Variants in MCC observed in about 807,000 individuals in gnomAD.
MCC encodes the protein colorectal mutant cancer protein.
A neutral mutation model predicts 116.2 loss-of-function variants in MCC; 90 were observed. The observed-to-expected ratio is 0.77, with a 90% CI of 0.65 to 0.92. The LOEUF (loss-of-function observed/expected upper bound fraction) is 0.92, where lower values mean the gene tolerates loss of function less well. Among genes scored for constraint, MCC ranks in the 40% least tolerant of loss-of-function variants. The probability of loss-of-function intolerance (pLI) is 0.00; values close to 1 mark genes in which losing one functional copy is unlikely to be tolerated. For missense variants in MCC, 1,516 were observed against 1,312.2 expected, an observed-to-expected ratio of 1.16 and a Z score of -2.40; for synonymous variants, 578 against 510.5, an observed-to-expected ratio of 1.13 and a Z score of -1.78.
chr5:113,230,389 A>C (rs919086388), intron 3 of MCC, among the ~76,000 whole-genome samples: 25 of 152,352 alleles, frequency 1.6e-4, no homozygotes, highest in African/African-American at 5.5e-4. Flanking sequence ...CAGAACATCA[A>C]TGTGTTTTCA....
At chr5:113,349,221 AC>A (rs1768207694) in intron 2 of MCC, among the ~76,000 whole-genome samples, 1 of 152,126 alleles carries the variant, frequency 6.6e-6, no homozygotes, top group Non-Finnish European at 1.5e-5. Flanking sequence ...TTATCCCGAT[AC>A]CAAAACCAGA....
intron 11 of MCC, among the ~76,000 whole-genome samples, chr5:113,077,662 T>G (rs533219857): frequency 2.3e-4 from 35 of 152,216 alleles, no homozygotes; most frequent in Admixed American, 6.5e-4. Context: ...AAGCAGTGTG[T>G]AGAGGGAAAC....
Position 113,242,648 on chromosome 5 carries a change from G to C in MCC, c.628-91226C>G, listed in dbSNP as rs1336785734. ...TTCTTAGACAACAGCAGGAGAGGCA[G>C]AGTGCCCAGGGCATTGCACTTCAAG... is the stretch of plus-strand genomic sequence containing the variant. On this transcript the variant is annotated intron_variant, in intron 3 of 18. Coordinates refer to ENST00000408903, the MANE Select transcript of MCC (RefSeq NM_001085377.2). 3.3e-5 allele frequency among the ~76,000 whole-genome samples: 5 copies of C among 152,178 alleles called. No homozygotes were observed. In the East Asian group the frequency reaches 9.6e-4, roughly 29 times the overall value.
At chr5:113,161,730 T>C (rs1296137304) in intron 3 of MCC, among the ~76,000 whole-genome samples, 2 of 152,100 alleles carry the variant, frequency 1.3e-5, no homozygotes, top group East Asian at 1.9e-4. Context: ...ACAGAGTATA[T>C]ATAAAACTCA....
At chr5:113,153,008 T>C (rs1326522417) in intron 3 of MCC, among the ~76,000 whole-genome samples, 1 of 152,166 alleles carries the variant, frequency 6.6e-6, no homozygotes, top group Admixed American at 6.5e-5. Context: ...GAGATTGTTT[T>C]GTTTGGTGGA....
chr5:113,463,187 G>A (rs1429561921), intron 1 of MCC, among the ~76,000 whole-genome samples: 1 of 152,156 alleles, frequency 6.6e-6, no homozygotes, highest in Non-Finnish European at 1.5e-5. Context: ...AGAGCCTAGA[G>A]GAGAGAGGGC....
intron 1 of MCC, among the ~76,000 whole-genome samples, chr5:113,424,596 T>A (rs1230635027): frequency 6.6e-6 from 1 of 152,096 alleles, no homozygotes; most frequent in Non-Finnish European, 1.5e-5. Flanking sequence ...GTGTCTGTAA[T>A]GCCAGCTACT....
chr5:113,285,002 G>A (rs1292178818), intron 3 of MCC, among the ~76,000 whole-genome samples: 1 of 152,174 alleles, frequency 6.6e-6, no homozygotes, highest in African/African-American at 2.4e-5. Context: ...TCAAGGGAAA[G>A]CAATTTTCAA....
chr5:113,244,745 T>C (rs17135473), intron 3 of MCC, among the ~76,000 whole-genome samples: 5,202 of 152,264 alleles, frequency 0.034, 115 homozygotes, highest in East Asian at 0.089. Context: ...AGCTAAACAA[T>C]AGGAAGAGGT....
intron 1 of MCC, among the ~76,000 whole-genome samples, chr5:113,432,358 A>G (rs1415445182): frequency 4.0e-5 from 6 of 151,778 alleles, no homozygotes; most frequent in Non-Finnish European, 8.8e-5. Flanking sequence ...AGAAAAAAAA[A>G]CAGCTAACAG....
In MCC at chr5:113,260,286, C is replaced by T. The variant is rs1307726532; in HGVS notation, c.627+80233G>A. ...AATAATCTTTAAAACCACATATTAA[C>T]CTAGATACTTTTTATGTATTTTTCC... On this transcript the variant is annotated intron_variant, in intron 3 of 18. Transcript: ENST00000408903. Among the ~76,000 whole-genome samples the T allele has an allele frequency of 2.0e-5, 3 of 152,030 alleles. No homozygotes were observed. The East Asian group carries it at 5.8e-4, about 29-fold the overall frequency.
intron 16 of MCC, among the ~76,000 whole-genome samples, chr5:113,046,579 A>ATGGGCCC (rs1476022209): frequency 1.3e-5 from 2 of 151,448 alleles, no homozygotes; most frequent in Non-Finnish European, 2.9e-5. Context: ...TGCTCAGTTC[A>ATGGGCCC]TGGGCCTTCT....
chr5:113,446,731 C>A (rs1423370561), intron 1 of MCC, among the ~76,000 whole-genome samples: 1 of 152,114 alleles, frequency 6.6e-6, no homozygotes, highest in African/African-American at 2.4e-5. Flanking sequence ...ATGTTCTCAC[C>A]TATAAGTGGA....
intron 3 of MCC, among the ~76,000 whole-genome samples, chr5:113,247,064 A>T (rs1029969041): frequency 1.3e-4 from 20 of 152,218 alleles, no homozygotes; most frequent in African/African-American, 4.6e-4. Flanking sequence ...CAAATGGTTT[A>T]TGACAAAGGA....
At chr5:113,085,579 G>C (rs780216613) in intron 8 of MCC, among the ~76,000 whole-genome samples, 4 of 151,972 alleles carry the variant, frequency 2.6e-5, no homozygotes, top group Non-Finnish European at 4.4e-5. Flanking sequence ...ATTTGCCTAA[G>C]AGTCACCATA....
chr5:113,289,089 T>G (rs936559172), intron 3 of MCC, among the ~76,000 whole-genome samples: 1 of 151,940 alleles, frequency 6.6e-6, no homozygotes, highest in Non-Finnish European at 1.5e-5. Context: ...TCCCAACACT[T>G]TGGGAGGCTG....
chr5:113,412,730 G>T (rs1770026970), intron 1 of MCC, among the ~76,000 whole-genome samples: 1 of 152,178 alleles, frequency 6.6e-6, no homozygotes. Flanking sequence ...GGGACAATTT[G>T]ACTTCCTCTT....
intron 11 of MCC, among the ~76,000 whole-genome samples, chr5:113,076,256 C>T (rs574898903): frequency 2.1e-4 from 32 of 152,196 alleles, no homozygotes; most frequent in South Asian, 4.2e-4. Flanking sequence ...TCCAGGAGAA[C>T]GTCCCCAACC....
At chr5:113,173,207 G>A (rs981131054) in intron 3 of MCC, among the ~76,000 whole-genome samples, 12 of 152,008 alleles carry the variant, frequency 7.9e-5, no homozygotes, top group Non-Finnish European at 1.3e-4. Flanking sequence ...TGTTTAGAAA[G>A]ACATCCTCCA....
Sources: gnomAD v4.1 joint callset for allele counts (sites outside exome capture counted in the v4.1 genomes callset) on GRCh38, gnomAD v4.1.1 for gene constraint, MANE v1.5 for transcripts, NCBI Gene and HGNC (gene_info 2026-07-23, HGNC 2026-07-21) for gene names.